PLPPR1: variants seen among roughly 807,000 people sequenced by gnomAD.
PLPPR1 encodes the protein phospholipid phosphatase related 1, also known as phospholipid phosphatase-related protein type 1.
PLPPR1 carries 10 observed loss-of-function variants against 33.1 expected under a neutral mutation model. The ratio of observed to expected loss-of-function variants is 0.30; its 90% CI spans 0.19 to 0.51. The LOEUF (loss-of-function observed/expected upper bound fraction) is 0.51, where lower values mean the gene tolerates loss of function less well. PLPPR1 is among the 20% of genes least tolerant of loss of function. The pLI is 0.97. For synonymous variants in PLPPR1, 151 were observed against 151.0 expected, an observed-to-expected ratio of 1.00 and a Z score of 0.00; for missense variants, 304 against 408.1, an observed-to-expected ratio of 0.74 and a Z score of 2.20.
In PLPPR1 at chr9:101,109,264, G is replaced by A. The variant is rs188449854; in HGVS notation, c.-45-76186G>A. ...GCTGGGATTACAGGTGTGAGCCACC[G>A]CGCCCGACTGGTCCTCAGTATTTTT... On this transcript the variant is annotated intron_variant, in intron 1 of 7. Coordinates refer to ENST00000374874, the MANE Select transcript of PLPPR1 (RefSeq NM_207299.2). Among the ~76,000 whole-genome samples, 80 of 149,998 alleles carry A rather than the reference G, an allele frequency of 5.3e-4. 1 individual carries two copies. The highest frequency in any genetic ancestry group is 1.5e-3 in the South Asian group (7 of 4,660).
intron 1 of PLPPR1, among the ~76,000 whole-genome samples, chr9:101,100,012 GAAAAAAAT>G (rs1371634138): frequency 6.6e-6 from 1 of 151,886 alleles, no homozygotes; most frequent in African/African-American, 2.4e-5. Flanking sequence ...ATAGATTTGG[GAAAAAAAT>G]GTGGTGGCTG....
chr9:101,054,353 T>TTCAATTCACCAGATAATTTTTCA lies in PLPPR1; in HGVS notation c.-46+25252_-46+25274dup, dbSNP rs550220812. ...CTATAACGTAATTTTCACAAAGGGT[T>TTCAATTCACCAGATAATTTTTCA]TCAATTCACCAGATAATTTTTCAAG... On this transcript the variant is annotated intron_variant, in intron 1 of 7. Transcript: ENST00000374874. Among the ~76,000 whole-genome samples, 1,122 of 152,224 alleles carry TTCAATTCACCAGATAATTTTTCA rather than the reference T, an allele frequency of 7.4e-3. 3 individuals carry two copies. The highest frequency in any genetic ancestry group is 0.011 in the Non-Finnish European group (755 of 68,010).
chr9:101,179,576 G>A (rs1826068098), intron 1 of PLPPR1, among the ~76,000 whole-genome samples: 1 of 152,092 alleles, frequency 6.6e-6, no homozygotes, highest in East Asian at 1.9e-4. Context: ...TTGGGTTGGG[G>A]ATTGGTACAT....
intron 1 of PLPPR1, among the ~76,000 whole-genome samples, chr9:101,069,346 G>A (rs1330818400): frequency 6.6e-6 from 1 of 152,052 alleles, no homozygotes; most frequent in African/African-American, 2.4e-5. Flanking sequence ...TCAAGTAATA[G>A]AGCTGGATTT....
At chr9:101,095,544 T>G (rs983839843) in intron 1 of PLPPR1, among the ~76,000 whole-genome samples, 11 of 152,216 alleles carry the variant, frequency 7.2e-5, no homozygotes, top group Admixed American at 7.2e-4. Flanking sequence ...ACATAATCCT[T>G]TTTTAAAAGC....
At chr9:101,160,980 C>G (rs1831765276) in intron 1 of PLPPR1, among the ~76,000 whole-genome samples, 1 of 152,174 alleles carries the variant, frequency 6.6e-6, no homozygotes, top group Admixed American at 6.6e-5. Flanking sequence ...GAATATCTCT[C>G]AGTTTCCTTC....
chr9:101,204,836 C>A (rs1392821285), intron 2 of PLPPR1, among the ~76,000 whole-genome samples: 1 of 151,846 alleles, frequency 6.6e-6, no homozygotes, highest in African/African-American at 2.4e-5. Context: ...TAGTCTACCA[C>A]AAATTAAAGT....
At chr9:101,126,108 T>A (rs1831243692) in intron 1 of PLPPR1, among the ~76,000 whole-genome samples, 1 of 152,186 alleles carries the variant, frequency 6.6e-6, no homozygotes, top group African/African-American at 2.4e-5. Flanking sequence ...AAATAGGTCT[T>A]TTGTCAGATA....
intron 2 of PLPPR1, among the ~76,000 whole-genome samples, chr9:101,257,826 A>ATT (rs146118756): frequency 0.37 from 55,418 of 150,972 alleles, 10,124 homozygotes; most frequent in Middle Eastern, 0.41. Flanking sequence ...CTAAAATCCT[A>ATT]TTTTTTTTTA....
At chr9:101,167,185 T>TGTGTGTGTGTGTGTGTG (rs1491118695) in intron 1 of PLPPR1, among the ~76,000 whole-genome samples, 212 of 67,976 alleles carry the variant, frequency 3.1e-3, no homozygotes, top group South Asian at 4.4e-3. Context: ...TGTGTGTGTC[T>TGTGTGTGTGTGTGTGTG]TTCTCTCTCT....
intron 4 of PLPPR1, among the ~76,000 whole-genome samples, chr9:101,306,330 C>T (rs757316064): frequency 1.2e-4 from 19 of 152,162 alleles, no homozygotes; most frequent in Non-Finnish European, 2.1e-4. Flanking sequence ...CAGCCTGAGG[C>T]GGGGAGCCTG....
intron 1 of PLPPR1, among the ~76,000 whole-genome samples, chr9:101,175,501 T>G (rs113187920): frequency 6.6e-6 from 1 of 152,296 alleles, no homozygotes; most frequent in Non-Finnish European, 1.5e-5. Context: ...CCACAAGGGT[T>G]AGAATTGATC....
chr9:101,194,590 A>G (rs1474846673), intron 2 of PLPPR1, among the ~76,000 whole-genome samples: 3 of 152,076 alleles, frequency 2.0e-5, no homozygotes, highest in African/African-American at 4.8e-5. Flanking sequence ...TTTCTACTAA[A>G]AATACAAAAA....
intron 1 of PLPPR1, among the ~76,000 whole-genome samples, chr9:101,056,878 G>A (rs746749086): frequency 6.6e-6 from 1 of 152,114 alleles, no homozygotes; most frequent in Non-Finnish European, 1.5e-5. Flanking sequence ...CCACAAAGGA[G>A]TGGTAGGGAG....
intron 3 of PLPPR1, among the ~76,000 whole-genome samples, chr9:101,276,903 G>A (rs1193469117): frequency 6.6e-6 from 1 of 152,160 alleles, no homozygotes; most frequent in African/African-American, 2.4e-5. Context: ...GCTTTGAAAC[G>A]CATAGGAAGT....
chr9:101,057,114 C>T (rs1830287089), intron 1 of PLPPR1, among the ~76,000 whole-genome samples: 1 of 152,186 alleles, frequency 6.6e-6, no homozygotes, highest in Admixed American at 6.5e-5. Flanking sequence ...CACCTGTAAA[C>T]CCCGTATGTC....
chr9:101,294,315 T>C (rs1828578032), intron 4 of PLPPR1, among the ~76,000 whole-genome samples: 2 of 151,864 alleles, frequency 1.3e-5, no homozygotes, highest in South Asian at 2.1e-4. Context: ...AATCAATAGC[T>C]TACCAACCAA....
intron 1 of PLPPR1, among the ~76,000 whole-genome samples, chr9:101,039,955 A>G (rs2118416204): frequency 6.6e-6 from 1 of 152,052 alleles, no homozygotes; most frequent in African/African-American, 2.4e-5. Flanking sequence ...GACTTAAACC[A>G]GAAGTTGAAA....
intron 2 of PLPPR1, among the ~76,000 whole-genome samples, chr9:101,258,889 TTC>T (rs1489552410): frequency 6.6e-6 from 1 of 152,180 alleles, no homozygotes; most frequent in Admixed American, 6.5e-5. Flanking sequence ...TAATCTTGCT[TTC>T]TCTGATATTA....
Sources: allele counts gnomAD v4.1 joint callset (sites outside exome capture counted in the v4.1 genomes callset), GRCh38; gene constraint gnomAD v4.1.1; transcripts MANE v1.5; gene names NCBI Gene and HGNC (gene_info 2026-07-23, HGNC 2026-07-21).